TEX46: variants seen among roughly 807,000 people sequenced by gnomAD.
TEX46 encodes the protein testis expressed 46.
Under a neutral mutation model 5.3 loss-of-function variants are expected in TEX46, and 6 were observed. The ratio of observed to expected loss-of-function variants is 1.13; its 90% CI spans 0.62 to 2.23. The LOEUF (loss-of-function observed/expected upper bound fraction) is 2.23, where lower values mean the gene tolerates loss of function less well. TEX46 is among the 30% of genes most tolerant of loss of function. The probability of loss-of-function intolerance (pLI) is 0.00; values close to 1 mark genes in which losing one functional copy is unlikely to be tolerated. For missense variants in TEX46, 131 were observed against 150.9 expected (o/e 0.87, Z 0.69); for synonymous variants, 41 against 54.6 (o/e 0.75, Z 1.10).
At chr1:23,014,991 C>T (rs1391263906) in intron 1 of TEX46, among the ~76,000 whole-genome samples, 2 of 151,948 alleles carry the variant, frequency 1.3e-5, no homozygotes, top group East Asian at 3.9e-4. Flanking sequence ...TACAGGCACG[C>T]ACCACCACAC....
rs1399321166 is a variant in TEX46 at position 23,010,874 on chromosome 1, G to A, written c.*27C>T. On this transcript the variant is annotated 3_prime_UTR_variant, in exon 3 of 3. Transcript: ENST00000566855. ...TTTTACTGAGGTAAAAGGTAACATC[G>A]GCAGAGGCCAGCCCGCCTCGGCCTC... is the stretch of plus-strand genomic sequence containing the variant. 73 of 1,501,902 alleles carry A rather than the reference G, an allele frequency of 4.9e-5. No individual in the cohort carries two copies. The highest frequency in any genetic ancestry group is 1.7e-4 in the Middle Eastern group (1 of 5,862). 93.0% of individuals were successfully genotyped at this position (1,501,902 alleles called of 1,614,324 possible). A position where few individuals can be genotyped will look rare whatever the true frequency, so the allele number is the denominator to read the frequency against.
intron 2 of TEX46, among the ~76,000 whole-genome samples, chr1:23,011,462 G>A (rs912111376): frequency 3.4e-5 from 5 of 148,568 alleles, no homozygotes; most frequent in Non-Finnish European, 5.9e-5. Flanking sequence ...GTGTGATCTC[G>A]GCTCACTGCA....
At chr1:23,013,023 C>A (rs1028153780) in intron 2 of TEX46, among the ~76,000 whole-genome samples, 10 of 152,008 alleles carry the variant, frequency 6.6e-5, no homozygotes, top group Admixed American at 5.9e-4. Flanking sequence ...CACCACCATG[C>A]CTGGCTCATT....
At chr1:23,015,048 G>A (rs988499489) in intron 1 of TEX46, among the ~76,000 whole-genome samples, 18 of 151,718 alleles carry the variant, frequency 1.2e-4, no homozygotes, top group African/African-American at 4.3e-4. Flanking sequence ...TCACCATGTT[G>A]GTCAGGCTGG....
chr1:23,011,637 C>G (rs1641352509), intron 2 of TEX46, among the ~76,000 whole-genome samples: 1 of 152,204 alleles, frequency 6.6e-6, no homozygotes, highest in African/African-American at 2.4e-5. Flanking sequence ...GTTGACCAGG[C>G]TGGTCTCGAA....
chr1:23,015,164 T>C (rs546775371), intron 1 of TEX46, among the ~76,000 whole-genome samples: 30 of 148,150 alleles, frequency 2.0e-4, no homozygotes, highest in Admixed American at 1.3e-3. Flanking sequence ...TTTTAAAAAA[T>C]GCTAGCCAGG....
intron 1 of TEX46, 80 bp downstream of exon 1, chr1:23,015,692 T>C (rs1305753767): frequency 1.6e-5 from 11 of 672,198 alleles, no homozygotes; most frequent in East Asian, 5.4e-5. Context: ...TGTTACAACA[T>C]AGATGAACCT....
chr1:23,014,167 TCCCTC>T, intron 1 of TEX46, 122 bp from the exon 2 acceptor site: 1 of 643,188 alleles, frequency 1.6e-6, no homozygotes, highest in Non-Finnish European at 2.4e-6. Flanking sequence ...CATAGCCAGC[TCCCTC>T]CCCCCACCCA....
chr1:23,011,157 C>T (rs1641347774), intron 2 of TEX46, 56 bp from the exon 3 acceptor site: 2 of 1,401,724 alleles, frequency 1.4e-6, no homozygotes, highest in South Asian at 1.2e-5. Context: ...CACGGCCTTG[C>T]TGTTCTTGGA....
chr1:23,012,929 TG>T, intron 2 of TEX46, among the ~76,000 whole-genome samples: 1 of 145,636 alleles, frequency 6.9e-6, no homozygotes, highest in African/African-American at 2.5e-5. Context: ...TGTAGTACAG[TG>T]GCATGCTCAC....
In TEX46 at chr1:23,013,975, G is replaced by C. The variant is rs1177334082; in HGVS notation, c.73C>G (p.Pro25Ala). Residue 25 changes from proline (P) to alanine (A), a missense_variant, in exon 2 of 3, where the codon CCA (proline) becomes GCA (alanine). Physicochemically the swap from Pro to Ala is conservative, Grantham distance 27 (BLOSUM62 -1). Coordinates refer to ENST00000566855, the MANE Select transcript of TEX46 (RefSeq NM_001242521.2). ...AGGAATAGGAACCCAAACAAGGCTG[G>C]CTTATAGCTCATCAGCCAAGCTGCC... ...AVAAWLMSYK[P>A]ALFGFLFLLL... 5 of 1,536,068 alleles carry C rather than the reference G, an allele frequency of 3.3e-6. No homozygotes were observed. In the South Asian group the frequency reaches 5.9e-5, roughly 18 times the overall value.
Position 23,015,780 on chromosome 1 carries a change from T to G in TEX46, c.-7A>C. On this transcript the variant is annotated 5_prime_UTR_variant, in exon 1 of 3. Transcript: ENST00000566855. Reference sequence around the variant, plus strand: ...CGTATGATTCCACTTACATGAGCTATCTACAATAGTCAAATTCATAGAGGC... The same window carrying G: ...CGTATGATTCCACTTACATGAGCTAGCTACAATAGTCAAATTCATAGAGGC... 1.4e-6 allele frequency: 1 copy of G among 697,514 alleles called. No homozygotes were observed. Among genetic ancestry groups the G allele is most frequent in the African/African-American group, 1.8e-5 (1 of 57,016 alleles). 43.2% of individuals were successfully genotyped at this position (697,514 alleles called of 1,614,324 possible).
chr1:23,014,547 TTTA>T (rs1296554175), intron 1 of TEX46, among the ~76,000 whole-genome samples: 2 of 151,950 alleles, frequency 1.3e-5, no homozygotes, highest in South Asian at 2.1e-4. Flanking sequence ...TAATTTTTTA[TTTA>T]TTATTATTTT....
At position 23,015,785 on chromosome 1, in the gene TEX46, A is replaced by G. The variant is rs1328211619; in HGVS notation, c.-12T>C. The G allele has an allele frequency of 4.3e-6, 3 of 698,150 alleles. No homozygotes were observed. In the South Asian group the frequency reaches 4.5e-5, roughly 10 times the overall value. The allele number at this position is 698,150 out of a possible 1,614,324, so 43.2% of individuals were successfully genotyped here. ...GATTCCACTTACATGAGCTATCTAC[A>G]ATAGTCAAATTCATAGAGGCAAAGA... is the stretch of plus-strand genomic sequence containing the variant. On this transcript the variant is annotated 5_prime_UTR_variant, in exon 1 of 3. Transcript: ENST00000566855.
chr1:23,012,860 T>C (rs1320513847), intron 2 of TEX46, among the ~76,000 whole-genome samples: 8 of 145,592 alleles, frequency 5.5e-5, no homozygotes. Context: ...AGATAGGCTA[T>C]TGTTTTGCCT....
At chr1:23,013,331 C>T (rs898288449) in intron 2 of TEX46, among the ~76,000 whole-genome samples, 4 of 152,020 alleles carry the variant, frequency 2.6e-5, no homozygotes, top group African/African-American at 9.7e-5. Context: ...TGTCACCACA[C>T]CCAGCTAATT....
rs1641411544 is a variant in TEX46 at position 23,015,755 on chromosome 1, C to G, written c.2+17G>C. ...TCAGTCACAAAAAAAAAACAAATAC[C>G]GTATGATTCCACTTACATGAGCTAT... On this transcript the variant is annotated intron_variant, in intron 1 of 2. Coordinates refer to ENST00000566855, the MANE Select transcript of TEX46 (RefSeq NM_001242521.2). The G allele has an allele frequency of 4.3e-6, 3 of 696,330 alleles. No individual in the cohort carries two copies. The South Asian group carries it at 4.5e-5, about 10-fold the overall frequency. 43.1% of individuals were successfully genotyped at this position (696,330 alleles called of 1,614,324 possible). A position where few individuals can be genotyped will look rare whatever the true frequency, so the allele number is the denominator to read the frequency against.
Position 23,010,880 on chromosome 1 carries a change from GGCCAGCCC to G in TEX46, c.*13_*20del. ...TGAGGTAAAAGGTAACATCGGCAGA[GGCCAGCCC>G]GCCTCGGCCTCATTAGCTGGGGGAA... On this transcript the variant is annotated 3_prime_UTR_variant, in exon 3 of 3. Coordinates refer to ENST00000566855, the MANE Select transcript of TEX46 (RefSeq NM_001242521.2). 6.6e-7 allele frequency: 1 copy of G among 1,515,210 alleles called. No homozygotes were observed. Among genetic ancestry groups the G allele is most frequent in the Non-Finnish European group, 8.9e-7 (1 of 1,129,936 alleles). The allele number at this position is 1,515,210 out of a possible 1,614,324, so 93.9% of individuals were successfully genotyped here.
chr1:23,012,087 T>C (rs1641358059), intron 2 of TEX46, among the ~76,000 whole-genome samples: 1 of 152,088 alleles, frequency 6.6e-6, no homozygotes, highest in East Asian at 1.9e-4. Flanking sequence ...TGGTGGCTCA[T>C]GGCTGTAATC....
Sources: gnomAD v4.1 joint callset for allele counts (sites outside exome capture counted in the v4.1 genomes callset) on GRCh38, gnomAD v4.1.1 for gene constraint, MANE v1.5 for transcripts, NCBI Gene and HGNC (gene_info 2026-07-23, HGNC 2026-07-21) for gene names.